KDM2B: variants seen among roughly 807,000 people sequenced by gnomAD.
The protein encoded by KDM2B is lysine demethylase 2B.
Under a neutral mutation model 150.0 loss-of-function variants are expected in KDM2B, and 26 were observed. The ratio of observed to expected loss-of-function variants is 0.17; its 90% CI spans 0.13 to 0.24. The LOEUF is 0.24. Among genes scored for constraint, KDM2B ranks in the 10% least tolerant of loss-of-function variants. The pLI, the probability that KDM2B is intolerant of heterozygous loss-of-function variation, is 1.00. For missense variants in KDM2B, 1,265 were observed against 1,816.9 expected, an observed-to-expected ratio of 0.70 and a Z score of 5.52; for synonymous variants, 734 against 729.5, an observed-to-expected ratio of 1.01 and a Z score of -0.10.
In KDM2B at chr12:121,430,463, T is replaced by C. The variant is rs781912164; in HGVS notation, c.3836A>G (p.Asn1279Ser). The change falls in exon 23 of 23, where the codon AAT (asparagine) becomes AGT (serine). Residue 1279 changes from asparagine to serine, a missense_variant. Physicochemically the swap from Asn to Ser is conservative, Grantham distance 46 (BLOSUM62 1). Transcript: ENST00000377071. This position sits in a 1 kb window ranked among gnomAD's most constrained non-coding sequence, Gnocchi z 4.4. ...SLTEINLSDCNKVTDQCLSFF... is the reference protein window; with the variant it reads ...SLTEINLSDCSKVTDQCLSFF... Reference sequence around the variant, plus strand: ...GGACAGGCACTGATCAGTGACCTTATTGCAGTCTGCAGAGAAGAAATAGTA... The same window carrying C: ...GGACAGGCACTGATCAGTGACCTTACTGCAGTCTGCAGAGAAGAAATAGTA... 1.6e-5 allele frequency: 26 copies of C among 1,613,100 alleles called. No individual in the cohort carries two copies. Among genetic ancestry groups the C allele is most frequent in the South Asian group, 1.1e-4 (10 of 91,064 alleles).
Position 121,546,560 on chromosome 12 carries a change from G to GT in KDM2B, c.683+2316dup, listed in dbSNP as rs879981112. On this transcript the variant is annotated intron_variant, in intron 6 of 22. Transcript: ENST00000377071. ...ACCATGCCCGGCTAATTTTTTTTTG[G>GT]TTTTTTTTTTTTGTTTGTTTGTTTA... is the stretch of plus-strand genomic sequence containing the variant. 3.8e-3 allele frequency among the ~76,000 whole-genome samples: 562 copies of GT among 146,064 alleles called. 2 individuals carry two copies. The highest frequency in any genetic ancestry group is 0.018 in the Middle Eastern group (5 of 280).
intron 6 of KDM2B, among the ~76,000 whole-genome samples, chr12:121,538,180 C>T (rs1555309070): frequency 6.6e-6 from 1 of 151,970 alleles, no homozygotes; most frequent in East Asian, 1.9e-4. Context: ...AGGGAGGCCG[C>T]GGGGCGACCG....
intron 12 of KDM2B, among the ~76,000 whole-genome samples, chr12:121,477,646 C>T (rs1041709633): frequency 4.1e-5 from 6 of 147,456 alleles, no homozygotes; most frequent in African/African-American, 1.5e-4. Context: ...AGCATGATCT[C>T]GGTTCACTGC....
At chr12:121,538,274 C>A (rs1217658269) in intron 6 of KDM2B, among the ~76,000 whole-genome samples, 1 of 151,974 alleles carries the variant, frequency 6.6e-6, no homozygotes, top group East Asian at 1.9e-4. Context: ...CCCCCTGAGC[C>A]CCGTGTTCCA....
chr12:121,502,901 G>A (rs1418702899), intron 11 of KDM2B, among the ~76,000 whole-genome samples: 3 of 151,304 alleles, frequency 2.0e-5, no homozygotes, highest in Non-Finnish European at 2.9e-5. Context: ...CTCCAGCCTC[G>A]GTGACAGAGC....
intron 11 of KDM2B, among the ~76,000 whole-genome samples, chr12:121,498,031 G>A (rs1051219301): frequency 3.9e-5 from 6 of 152,110 alleles, no homozygotes; most frequent in African/African-American, 1.4e-4. Flanking sequence ...AGTAGGCAGA[G>A]GTTGTAGCGG....
In KDM2B at chr12:121,513,473, C is replaced by T. The variant is rs1377709432; in HGVS notation, c.1048-71G>A. The T allele has an allele frequency of 6.4e-6, 10 of 1,552,496 alleles. No individual in the cohort carries two copies. The highest frequency in any genetic ancestry group is 5.1e-5 in the Admixed American group (3 of 59,046). On this transcript the variant is annotated intron_variant, in intron 9 of 22. Transcript: ENST00000377071. The surrounding 1 kb of genome is among the most constrained non-coding windows in gnomAD (Gnocchi z 5.0). ...GAAGGGGGAAGGAGGGAGAGAAGTG[C>T]GGGGCAGGCTCCCTGCAGGTGAGGG... is the stretch of plus-strand genomic sequence containing the variant.
Position 121,580,870 on chromosome 12 carries a change from G to A in KDM2B, c.42C>T (p.Pro14=). ...PQMGGSAEDH[P]PRKRHAAEKQ... ...TTTCTGCTGCATGTCTTTTTCGTGG[G>A]GGGTGATCCTCTGCAGATCCCCCCA... is the stretch of plus-strand genomic sequence containing the variant. The change falls in exon 1 of 23, where the codon CCC becomes CCT. Residue 14 remains proline (P), a synonymous_variant. Transcript: ENST00000377071. The A allele has an allele frequency of 4.3e-6, 7 of 1,613,980 alleles. No individual in the cohort carries two copies. The highest frequency in any genetic ancestry group is 5.9e-6 in the Non-Finnish European group (7 of 1,179,956).
intron 12 of KDM2B, chr12:121,469,254 A>G (rs986036346): frequency 8.6e-5 from 13 of 151,726 alleles, no homozygotes; most frequent in Non-Finnish European, 2.9e-5. Flanking sequence ...CAACAAGCAA[A>G]AGAATACACC....
intron 4 of KDM2B, among the ~76,000 whole-genome samples, chr12:121,568,445 A>T (rs1446366046): frequency 1.3e-5 from 2 of 152,282 alleles, no homozygotes; most frequent in African/African-American, 4.8e-5. Flanking sequence ...GGGCAACAAG[A>T]GCGAAACTCC....
At chr12:121,426,601 G>A (rs1872523428), downstream of KDM2B, among the ~76,000 whole-genome samples, 1 of 147,658 alleles carries the variant, frequency 6.8e-6, no homozygotes, top group Non-Finnish European at 1.5e-5. Context: ...ATACCACCAT[G>A]CCTGGATAAT....
At chr12:121,447,859 G>A (rs1373767006) in intron 13 of KDM2B, among the ~76,000 whole-genome samples, 2 of 151,832 alleles carry the variant, frequency 1.3e-5, no homozygotes, top group African/African-American at 2.4e-5. Context: ...GTTTCACCAT[G>A]TTGGCCAGGC....
intron 4 of KDM2B, among the ~76,000 whole-genome samples, chr12:121,553,362 G>A (rs1555312149): frequency 6.6e-6 from 1 of 152,112 alleles, no homozygotes; most frequent in African/African-American, 2.4e-5. Flanking sequence ...GTGCAAAGGA[G>A]TCTGCTGGGC....
chr12:121,547,458 G>T (rs782556692), intron 6 of KDM2B, among the ~76,000 whole-genome samples: 1 of 152,140 alleles, frequency 6.6e-6, no homozygotes. Context: ...CATGCAGTCC[G>T]CACTCACTAT....
In KDM2B at chr12:121,444,574, GAGA is replaced by G. The variant is rs782811858; in HGVS notation, c.2104-41_2104-39del. On this transcript the variant is annotated intron_variant, in intron 14 of 22. Coordinates refer to ENST00000377071, the MANE Select transcript of KDM2B (RefSeq NM_032590.5). ...CCAGGACTCAGAAGAGGGACGGGCG[GAGA>G]AGATGGCCCACGGGCACAAGGCTCT... The G allele has an allele frequency of 3.8e-6, 6 of 1,573,488 alleles. No homozygotes were observed. In the South Asian group the frequency reaches 5.5e-5, roughly 15 times the overall value.
rs1423575311 is a variant in KDM2B at position 121,537,896 on chromosome 12, C to T, written c.684-3306G>A. Among the ~76,000 whole-genome samples the T allele has an allele frequency of 6.6e-6, 1 of 151,296 alleles. No homozygotes were observed. The highest frequency in any genetic ancestry group is 1.5e-5 in the Non-Finnish European group (1 of 67,770). ...CACAAAGGAGGGGGCGCCCGGGCAG[C>T]GCGGCCCGCGGTTACCCTCGGCGGC... On this transcript the variant is annotated intron_variant, in intron 6 of 22. Transcript: ENST00000377071. This position sits in a 1 kb window ranked among gnomAD's most constrained non-coding sequence, Gnocchi z 8.7.
Position 121,575,962 on chromosome 12 carries a change from G to A in KDM2B, c.272-103C>T. 1.2e-6 allele frequency: 1 copy of A among 830,434 alleles called. No individual in the cohort carries two copies. The highest frequency in any genetic ancestry group is 2.1e-6 in the Non-Finnish European group (1 of 481,354). The allele number at this position is 830,434 out of a possible 1,614,324, so 51.4% of individuals were successfully genotyped here. A position where few individuals can be genotyped will look rare whatever the true frequency, so the allele number is the denominator to read the frequency against. On this transcript the variant is annotated intron_variant, in intron 2 of 22. Coordinates refer to ENST00000377071, the MANE Select transcript of KDM2B (RefSeq NM_032590.5). This position sits in a 1 kb window ranked among gnomAD's most constrained non-coding sequence, Gnocchi z 4.4. ...AGAAAACTGATGGACGAAGGGGCAG[G>A]GGGTCCAGGAGATGCAGGCACCAGC...
intron 4 of KDM2B, among the ~76,000 whole-genome samples, chr12:121,567,474 C>T (rs1316653883): frequency 6.6e-6 from 1 of 152,030 alleles, no homozygotes; most frequent in African/African-American, 2.4e-5. Context: ...TTCGCGATGG[C>T]GAGGCGGGAG....
At position 121,440,918 on chromosome 12, in the gene KDM2B, A is replaced by T; in HGVS notation, c.3508T>A (p.Ser1170Thr). The T allele has an allele frequency of 6.2e-7, 1 of 1,614,056 alleles. No homozygotes were observed. The highest frequency in any genetic ancestry group is 1.1e-5 in the South Asian group (1 of 91,076). Reference sequence around the variant, plus strand: ...AGGGTCCGGAGCAGCGGACAACTGGAGCTGCAAAGGGCCGAGACCGCGATC... The same window carrying T: ...AGGGTCCGGAGCAGCGGACAACTGGTGCTGCAAAGGGCCGAGACCGCGATC... Reference protein sequence around the residue: ...SWIAVSALCSSSCPLLRTLDV... With the variant: ...SWIAVSALCSTSCPLLRTLDV... The change falls in exon 21 of 23, where the codon TCC becomes ACC. Residue 1170 changes from serine to threonine, a missense_variant. Physicochemically the swap from Ser to Thr is moderately conservative, Grantham distance 58 (BLOSUM62 1). This residue lies in a region of KDM2B where 251 missense variants were observed against 397.8 expected (regional missense o/e 0.63). Transcript: ENST00000377071.
Sources: allele counts gnomAD v4.1 joint callset (sites outside exome capture counted in the v4.1 genomes callset), GRCh38; gene constraint gnomAD v4.1.1; regional missense constraint gnomAD v4.1.1; non-coding constraint Gnocchi (gnomAD v3.1); transcripts MANE v1.5; gene names NCBI Gene and HGNC (gene_info 2026-07-23, HGNC 2026-07-21).